ZNF385D: variants seen among roughly 807,000 people sequenced by gnomAD.
The protein encoded by ZNF385D is zinc finger protein 659.
A neutral mutation model predicts 35.8 loss-of-function variants in ZNF385D; 15 were observed. That is an observed-to-expected ratio of 0.42 (90% CI 0.28 to 0.64). ZNF385D has a LOEUF of 0.64. Among genes scored for constraint, ZNF385D ranks in the 30% least tolerant of loss-of-function variants. The pLI, the probability that ZNF385D is intolerant of heterozygous loss-of-function variation, is 0.23. For missense variants in ZNF385D, 474 were observed against 494.6 expected (o/e 0.96, Z 0.39); for synonymous variants, 212 against 186.8 (o/e 1.13, Z -1.10).
Position 21,746,019 on chromosome 3 carries a change from A to AGT in ZNF385D, c.22+4874_22+4875dup, listed in dbSNP as rs777592969. The stretch of plus-strand genomic sequence containing the variant: ...ATGCTATGACTGAAGTACAATATTA[A>AGT]GTCTATATATATAACAAGGAACTAT... On this transcript the variant is annotated intron_variant, in intron 1 of 7. Transcript: ENST00000281523. Among the ~76,000 whole-genome samples the AGT allele has an allele frequency of 1.4e-4, 22 of 152,346 alleles. 2 individuals carry two copies. Among genetic ancestry groups the AGT allele is most frequent in the Admixed American group, 4.6e-4 (7 of 15,302 alleles).
At position 21,521,931 on chromosome 3, in the gene ZNF385D, C is replaced by T. The variant is rs141178504; in HGVS notation, c.277-10908G>A. Among the ~76,000 whole-genome samples, 343 of 152,228 alleles carry T rather than the reference C, an allele frequency of 2.3e-3. 2 individuals carry two copies. Among genetic ancestry groups the T allele is most frequent in the South Asian group, 3.7e-3 (18 of 4,818 alleles). On this transcript the variant is annotated intron_variant, in intron 3 of 7. Transcript: ENST00000281523. Reference sequence around the variant, plus strand: ...CAGCCCTTAGAATAATTGGCAAGAGCTTCACCAAATTCAGTAAGATAAATT... The same window carrying T: ...CAGCCCTTAGAATAATTGGCAAGAGTTTCACCAAATTCAGTAAGATAAATT...
chr3:21,855,431 C>T (rs912133151), intron 3 of ZNF385D, among the ~76,000 whole-genome samples: 1 of 152,056 alleles, frequency 6.6e-6, no homozygotes, highest in Non-Finnish European at 1.5e-5. Flanking sequence ...ACAGCCTCCA[C>T]ATTTGCCCTC....
At chr3:22,216,580 A>G (rs1697900549) in intron 2 of ZNF385D, among the ~76,000 whole-genome samples, 1 of 152,138 alleles carries the variant, frequency 6.6e-6, no homozygotes, top group Non-Finnish European at 1.5e-5. Flanking sequence ...AGAAGAAGCA[A>G]TATTTCGTTT....
At chr3:22,118,696 C>A (rs1054435056) in intron 3 of ZNF385D, among the ~76,000 whole-genome samples, 1 of 152,030 alleles carries the variant, frequency 6.6e-6, no homozygotes, top group African/African-American at 2.4e-5. Context: ...GAGCAGATAG[C>A]TGTTTTGTCT....
At chr3:22,114,592 T>C (rs567039106) in intron 3 of ZNF385D, among the ~76,000 whole-genome samples, 5 of 152,216 alleles carry the variant, frequency 3.3e-5, no homozygotes, top group East Asian at 1.9e-4. Context: ...CAGATCACTG[T>C]TGTGAGCAAA....
At chr3:22,359,094 AAGAAAC>A (rs796447027) in intron 2 of ZNF385D, among the ~76,000 whole-genome samples, 8 of 123,562 alleles carry the variant, frequency 6.5e-5, no homozygotes, top group African/African-American at 1.4e-4. Context: ...AACAAAAAAC[AAGAAAC>A]AAAAAAAACA....
At chr3:21,901,179 G>T (rs1699393780) in intron 3 of ZNF385D, among the ~76,000 whole-genome samples, 1 of 152,134 alleles carries the variant, frequency 6.6e-6, no homozygotes. Flanking sequence ...AAATTAAAAG[G>T]CTATGTTTAA....
chr3:21,526,819 G>A (rs1356109022), intron 3 of ZNF385D, among the ~76,000 whole-genome samples: 1 of 152,144 alleles, frequency 6.6e-6, no homozygotes, highest in Non-Finnish European at 1.5e-5. Flanking sequence ...TTAGCTAATT[G>A]GAATGGCTTC....
intron 3 of ZNF385D, among the ~76,000 whole-genome samples, chr3:22,019,605 T>C (rs1697106583): frequency 6.6e-6 from 1 of 151,994 alleles, no homozygotes; most frequent in Non-Finnish European, 1.5e-5. Context: ...TGAATTCCTA[T>C]TTTCATTGCA....
intron 3 of ZNF385D, among the ~76,000 whole-genome samples, chr3:21,843,322 G>A (rs764696726): frequency 2.7e-4 from 41 of 151,988 alleles, no homozygotes; most frequent in Non-Finnish European, 4.1e-4. Context: ...ACTTATCATC[G>A]GCCTAGTCAA....
rs574599867 is a variant in ZNF385D at position 22,035,657 on chromosome 3, C to T, written c.325+133160G>A. Among the ~76,000 whole-genome samples the T allele has an allele frequency of 4.8e-4, 73 of 152,258 alleles. 1 individual carries two copies. In the South Asian group the frequency reaches 0.015, roughly 31 times the overall value. On this transcript the variant is annotated intron_variant, in intron 3 of 5. Coordinates refer to the ZNF385D transcript ENST00000494108. ...GCCAGATCAGCCTAACAGCAGTAAT[C>T]TCTGAAACCCCCACCTAATCAGCAA...
chr3:21,790,912 T>C (rs2125660094), intron 3 of ZNF385D, among the ~76,000 whole-genome samples: 1 of 152,326 alleles, frequency 6.6e-6, no homozygotes, highest in East Asian at 1.9e-4. Context: ...ATTTATTTTC[T>C]CTTCCTGCTT....
At chr3:22,026,881 G>C (rs1172612229) in intron 3 of ZNF385D, among the ~76,000 whole-genome samples, 1 of 152,216 alleles carries the variant, frequency 6.6e-6, no homozygotes, top group South Asian at 2.1e-4. Flanking sequence ...CTGTGCAGAA[G>C]ACAGAGGGAT....
intron 3 of ZNF385D, among the ~76,000 whole-genome samples, chr3:22,084,520 A>G (rs1352717698): frequency 1.3e-5 from 2 of 152,212 alleles, no homozygotes; most frequent in Non-Finnish European, 2.9e-5. Flanking sequence ...TTCAACAAGA[A>G]GAGCTAACTA....
chr3:22,288,752 T>C (rs1702149124), intron 2 of ZNF385D, among the ~76,000 whole-genome samples: 1 of 152,174 alleles, frequency 6.6e-6, no homozygotes, highest in Admixed American at 6.5e-5. Context: ...TGTTCTTTCA[T>C]TTGGAACATA....
intron 3 of ZNF385D, among the ~76,000 whole-genome samples, chr3:22,145,850 T>C (rs1406340244): frequency 6.6e-6 from 1 of 152,188 alleles, no homozygotes; most frequent in African/African-American, 2.4e-5. Flanking sequence ...CTCTGGCCAC[T>C]AATCCAAATC....
chr3:21,721,155 C>T (rs965073640), intron 1 of ZNF385D, among the ~76,000 whole-genome samples: 2 of 152,026 alleles, frequency 1.3e-5, no homozygotes, highest in African/African-American at 4.8e-5. Flanking sequence ...TGACTTTGCC[C>T]CCTCCATTGC....
intron 4 of ZNF385D, among the ~76,000 whole-genome samples, chr3:21,493,928 T>C (rs956141565): frequency 6.6e-6 from 1 of 152,190 alleles, no homozygotes; most frequent in Non-Finnish European, 1.5e-5. Context: ...TAATTCTGTA[T>C]ATTCATATTG....
chr3:21,655,385 A>G (rs533599426), intron 2 of ZNF385D, among the ~76,000 whole-genome samples: 1 of 152,160 alleles, frequency 6.6e-6, no homozygotes, highest in South Asian at 2.1e-4. Context: ...GCCCTATAGT[A>G]TAAAAGAATA....
Sources: allele counts gnomAD v4.1 joint callset (sites outside exome capture counted in the v4.1 genomes callset), GRCh38; gene constraint gnomAD v4.1.1; transcripts MANE v1.5; gene names NCBI Gene and HGNC (gene_info 2026-07-23, HGNC 2026-07-21).